Variants in TAFA2 observed in about 807,000 individuals in gnomAD.
TAFA2 encodes the protein chemokine-like protein TAFA-2.
A neutral mutation model predicts 18.8 loss-of-function variants in TAFA2; 7 were observed. The observed-to-expected ratio is 0.37, with a 90% confidence interval of 0.21 to 0.70. TAFA2 has a LOEUF of 0.70. Among genes scored for constraint, TAFA2 ranks in the 30% least tolerant of loss-of-function variants. The pLI is 0.53. For synonymous variants in TAFA2, 60 were observed against 54.2 expected (o/e 1.11, Z -0.47); for missense variants, 122 against 158.1 (o/e 0.77, Z 1.23).
At chr12:61,894,197 AC>A (rs1875747258) in intron 1 of TAFA2, among the ~76,000 whole-genome samples, 1 of 152,232 alleles carries the variant, frequency 6.6e-6, no homozygotes, top group Non-Finnish European at 1.5e-5. Flanking sequence ...TAAAATAGTT[AC>A]AACACCAAAG....
chr12:62,115,871 T>C (rs1592345436), intron 1 of TAFA2, among the ~76,000 whole-genome samples: 1 of 152,314 alleles, frequency 6.6e-6, no homozygotes, highest in East Asian at 1.9e-4. Context: ...CCATTACGTC[T>C]AGCTGGCTCA....
intron 1 of TAFA2, among the ~76,000 whole-genome samples, chr12:62,162,947 C>T (rs2062415561): frequency 6.6e-6 from 1 of 151,488 alleles, no homozygotes; most frequent in Admixed American, 6.6e-5. Flanking sequence ...TATCCAAAGG[C>T]ATAAATCAAA....
At chr12:61,843,848 C>A (rs1010399740) in intron 2 of TAFA2, among the ~76,000 whole-genome samples, 2 of 152,132 alleles carry the variant, frequency 1.3e-5, no homozygotes. Context: ...TTAACACATT[C>A]AGCTGAAGAC....
chr12:62,116,917 G>A (rs1869986639), intron 1 of TAFA2, among the ~76,000 whole-genome samples: 1 of 152,148 alleles, frequency 6.6e-6, no homozygotes, highest in Admixed American at 6.6e-5. Context: ...GTTAAAATTA[G>A]GCTGTTGGGG....
At chr12:61,896,936 T>C (rs1298633815) in intron 1 of TAFA2, among the ~76,000 whole-genome samples, 2 of 152,218 alleles carry the variant, frequency 1.3e-5, no homozygotes, top group East Asian at 3.8e-4. Context: ...GATAACATGA[T>C]AATCTAGATA....
chr12:62,164,414 C>T (rs2062425876), intron 1 of TAFA2, among the ~76,000 whole-genome samples: 1 of 152,088 alleles, frequency 6.6e-6, no homozygotes, highest in African/African-American at 2.4e-5. Context: ...ATAATTATTT[C>T]ATTTAGATTC....
At chr12:62,124,908 G>A (rs1262555951) in intron 1 of TAFA2, among the ~76,000 whole-genome samples, 1 of 152,100 alleles carries the variant, frequency 6.6e-6, no homozygotes, top group Non-Finnish European at 1.5e-5. Flanking sequence ...CAAGACTCCA[G>A]CCCATAACTC....
intron 1 of TAFA2, among the ~76,000 whole-genome samples, chr12:61,969,950 T>G (rs959332341): frequency 6.6e-6 from 1 of 151,512 alleles, no homozygotes; most frequent in African/African-American, 2.4e-5. Context: ...TGAAGCTACA[T>G]AGTCAGAGAA....
At chr12:62,031,886 G>C (rs1881469061) in intron 1 of TAFA2, among the ~76,000 whole-genome samples, 1 of 152,060 alleles carries the variant, frequency 6.6e-6, no homozygotes, top group Non-Finnish European at 1.5e-5. Context: ...ATATTTTCAG[G>C]ATGACTTTTC....
At chr12:62,111,468 T>G (rs967353103) in intron 1 of TAFA2, among the ~76,000 whole-genome samples, 2 of 152,228 alleles carry the variant, frequency 1.3e-5, no homozygotes, top group Non-Finnish European at 2.9e-5. Context: ...TTTCTGTTGA[T>G]TTGCGGTGGA....
chr12:62,237,373 TTC>T (rs1276756381), intron 1 of TAFA2, among the ~76,000 whole-genome samples: 2 of 152,242 alleles, frequency 1.3e-5, no homozygotes, highest in Admixed American at 6.5e-5. Context: ...TGTTCCAGAT[TTC>T]TGTTTGACTT....
chr12:62,215,926 CA>C (rs2062733985), intron 1 of TAFA2, among the ~76,000 whole-genome samples: 1 of 151,910 alleles, frequency 6.6e-6, no homozygotes, highest in Non-Finnish European at 1.5e-5. Flanking sequence ...TTGTAAAGAC[CA>C]GTGGGTTTTG....
At chr12:61,779,537 G>A (rs7309611) in intron 2 of TAFA2, among the ~76,000 whole-genome samples, 2 of 151,814 alleles carry the variant, frequency 1.3e-5, no homozygotes, top group African/African-American at 4.8e-5. Context: ...ACCCTGAAGT[G>A]TTCTGCTAAA....
chr12:62,222,663 C>T (rs919085226), intron 1 of TAFA2, among the ~76,000 whole-genome samples: 6 of 149,378 alleles, frequency 4.0e-5, no homozygotes, highest in East Asian at 3.9e-4. Flanking sequence ...CCCGCCACCA[C>T]GCCCAGCTAA....
intron 1 of TAFA2, among the ~76,000 whole-genome samples, chr12:62,232,618 T>C (rs772659729): frequency 2.6e-5 from 4 of 151,952 alleles, no homozygotes. Flanking sequence ...TTCAAGCAAT[T>C]TTCCCATCTC....
rs372701372 is a variant in TAFA2, at chr12:62,152,402, C to T, written c.-2+38857G>A. Among the ~76,000 whole-genome samples, 15 of 152,218 alleles carry T rather than the reference C, an allele frequency of 9.9e-5. No homozygotes were observed. The East Asian group carries it at 1.4e-3, about 14-fold the overall frequency. On this transcript the variant is annotated intron_variant, in intron 1 of 4. Transcript: ENST00000416284. ...AATTCACTAGACCCAAATGACACCA[C>T]GAAAATGTGATGAATCATTCACTCC...
chr12:62,145,440 A>T (rs2062273322), intron 1 of TAFA2: 2 of 152,208 alleles, frequency 1.3e-5, no homozygotes, highest in East Asian at 3.9e-4. Context: ...TCATCCCGAA[A>T]CCATCCTCCG....
intron 1 of TAFA2, among the ~76,000 whole-genome samples, chr12:61,890,037 G>C (rs889315408): frequency 6.6e-6 from 1 of 152,198 alleles, no homozygotes; most frequent in Non-Finnish European, 1.5e-5. Context: ...TAGCCTGTGA[G>C]TTGAAGACTC....
At chr12:61,950,720 C>T (rs545510039) in intron 1 of TAFA2, among the ~76,000 whole-genome samples, 1 of 152,152 alleles carries the variant, frequency 6.6e-6, no homozygotes, top group South Asian at 2.1e-4. Context: ...TTTATTGTTT[C>T]TGGATGTCTT....
Sources: allele counts gnomAD v4.1 joint callset (sites outside exome capture counted in the v4.1 genomes callset), GRCh38; gene constraint gnomAD v4.1.1; transcripts MANE v1.5; gene names NCBI Gene and HGNC (gene_info 2026-07-23, HGNC 2026-07-21).